Variants in SEC13 observed in about 807,000 individuals in gnomAD.
SEC13 encodes SEC13 homolog, nuclear pore and COPII component.
SEC13 carries 25 observed loss-of-function variants against 49.2 expected under a neutral mutation model. That is an observed-to-expected ratio of 0.51 (90% confidence interval 0.37 to 0.71). The LOEUF (loss-of-function observed/expected upper bound fraction) is 0.71. Among genes scored for constraint, SEC13 ranks in the 30% least tolerant of loss-of-function variants. The pLI, the probability that SEC13 is intolerant of heterozygous loss-of-function variation, is 0.00. For missense variants in SEC13, 383 were observed against 417.6 expected, an observed-to-expected ratio of 0.92 and a Z score of 0.72; for synonymous variants, 148 against 163.9, an observed-to-expected ratio of 0.90 and a Z score of 0.74.
At chr3:10,315,138 G>T in intron 3 of SEC13, 183 bp downstream of exon 3, 1 of 572,244 alleles carries the variant, frequency 1.7e-6, no homozygotes. Flanking sequence ...GCCCTTAACA[G>T]CATCATCCCT....
intron 5 of SEC13, among the ~76,000 whole-genome samples, chr3:10,310,962 A>T (rs914547470): frequency 8.6e-5 from 13 of 151,860 alleles, no homozygotes; most frequent in African/African-American, 2.7e-4. Flanking sequence ...GTCACAAAAG[A>T]CCACAGATTG....
At chr3:10,317,012 A>AG (rs1701650195) in intron 2 of SEC13, among the ~76,000 whole-genome samples, 1 of 151,996 alleles carries the variant, frequency 6.6e-6, no homozygotes, top group South Asian at 2.1e-4. Context: ...AAAAAAAAAA[A>AG]AAAAAAAAAA....
rs753212763 is a variant in SEC13 at position 10,301,117 on chromosome 3, G to A, written c.*144C>T. 1.7e-5 allele frequency: 27 copies of A among 1,613,660 alleles called. No individual in the cohort carries two copies. The Admixed American group carries it at 4.5e-4, about 27-fold the overall frequency. ...CATCTCCGATCACGTTAAGGCAGAT[G>A]ATCAATCTGTGGCTGCATCTGTAAC... On this transcript the variant is annotated 3_prime_UTR_variant, in exon 9 of 9. Coordinates refer to ENST00000350697, the MANE Select transcript of SEC13 (RefSeq NM_183352.3).
At chr3:10,317,776 G>T (rs1454270290) in intron 2 of SEC13, among the ~76,000 whole-genome samples, 2 of 152,160 alleles carry the variant, frequency 1.3e-5, no homozygotes, top group Non-Finnish European at 2.9e-5. Flanking sequence ...GCAGGTTATT[G>T]TATTGGCTGG....
chr3:10,310,156 AG>A (rs1701162809), intron 5 of SEC13, among the ~76,000 whole-genome samples: 1 of 152,172 alleles, frequency 6.6e-6, no homozygotes, highest in Non-Finnish European at 1.5e-5. Flanking sequence ...GGCCCCCAGA[AG>A]ATGCTCACCA....
chr3:10,316,904 G>A (rs1701640034), intron 2 of SEC13, among the ~76,000 whole-genome samples: 2 of 151,854 alleles, frequency 1.3e-5, no homozygotes, highest in Admixed American at 1.3e-4. Context: ...GGGAGTCTGG[G>A]GCAGGAGAAT....
intron 5 of SEC13, among the ~76,000 whole-genome samples, chr3:10,311,200 G>A (rs1403952386): frequency 6.6e-6 from 1 of 152,136 alleles, no homozygotes; most frequent in Non-Finnish European, 1.5e-5. Context: ...GTGTGGGGGT[G>A]TGTGTGAGTG....
In SEC13 at chr3:10,307,077, A is replaced by G. The variant is rs1300386842; in HGVS notation, c.451-1385T>C. On this transcript the variant is annotated intron_variant, in intron 5 of 8. Coordinates refer to ENST00000350697, the MANE Select transcript of SEC13 (RefSeq NM_183352.3). ...AATTTTTTTTTTTAAAAATTGAGAC[A>G]GGGTCTCACTGTCACCCAGGCTAGA... Among the ~76,000 whole-genome samples the G allele has an allele frequency of 2.0e-5, 3 of 152,122 alleles. No individual in the cohort carries two copies. The South Asian group carries it at 6.2e-4, about 32-fold the overall frequency.
chr3:10,304,320 A>G (rs1220066168), intron 7 of SEC13, 148 bp from the exon 8 acceptor site: 1 of 702,210 alleles, frequency 1.4e-6, no homozygotes, highest in East Asian at 2.7e-5. Flanking sequence ...TGGGGCGTCC[A>G]CAGCTTTGTT....
intron 3 of SEC13, among the ~76,000 whole-genome samples, chr3:10,314,794 G>A (rs556390595): frequency 3.3e-5 from 5 of 152,308 alleles, no homozygotes; most frequent in African/African-American, 1.2e-4. Flanking sequence ...CGGGCATATA[G>A]GCAGAACAAT....
chr3:10,313,359 A>G, intron 3 of SEC13: 1 of 505,128 alleles, frequency 2.0e-6, no homozygotes, highest in South Asian at 1.4e-5. Flanking sequence ...AGCATGGTAG[A>G]GTTAGTGGTT....
chr3:10,319,385 C>A, intron 1 of SEC13: 1 of 1,256,470 alleles, frequency 8.0e-7, no homozygotes, highest in Non-Finnish European at 1.1e-6. Flanking sequence ...ACAAAGTGCA[C>A]AGGAAGGCGG....
intron 5 of SEC13, among the ~76,000 whole-genome samples, chr3:10,309,711 C>T (rs941617316): frequency 3.9e-5 from 6 of 152,160 alleles, no homozygotes; most frequent in African/African-American, 7.2e-5. Context: ...TCTCATTGTC[C>T]GCAGGGAGGT....
intron 1 of SEC13, among the ~76,000 whole-genome samples, chr3:10,318,513 G>A (rs2059703709): frequency 6.6e-6 from 1 of 151,884 alleles, no homozygotes. Context: ...TGATGTGTGT[G>A]GGGAAACGGC....
chr3:10,301,748 A>G (rs1039503616), intron 8 of SEC13, among the ~76,000 whole-genome samples: 1 of 152,178 alleles, frequency 6.6e-6, no homozygotes, highest in Non-Finnish European at 1.5e-5. Context: ...TGGGGCCTGG[A>G]ACAACTGATT....
intron 1 of SEC13, 114 bp downstream of exon 1, chr3:10,320,936 G>C (rs1032441181): frequency 6.5e-7 from 1 of 1,541,228 alleles, no homozygotes; most frequent in Non-Finnish European, 8.7e-7. Flanking sequence ...CTAAGCGGTG[G>C]AGGGGAGCTG....
intron 6 of SEC13, 160 bp downstream of exon 6, chr3:10,305,399 G>GT: frequency 9.2e-7 from 1 of 1,089,474 alleles, no homozygotes; most frequent in Non-Finnish European, 1.3e-6. Context: ...GTGTTGTGTT[G>GT]TTTTTCAAGG....
intron 1 of SEC13, 114 bp from the exon 2 acceptor site, chr3:10,318,208 G>T (rs1701726181): frequency 5.4e-6 from 4 of 740,236 alleles, no homozygotes; most frequent in Non-Finnish European, 9.7e-6. Context: ...CATTCAGTAA[G>T]CATTCATTCT....
intron 8 of SEC13, chr3:10,303,803 C>T (rs913122574): frequency 6.3e-5 from 36 of 571,098 alleles, no homozygotes; most frequent in Middle Eastern, 4.8e-4. Flanking sequence ...CAAGTCAAAT[C>T]GCCTCTGTCA....
Sources: allele counts gnomAD v4.1 joint callset (sites outside exome capture counted in the v4.1 genomes callset), GRCh38; gene constraint gnomAD v4.1.1; transcripts MANE v1.5; gene names NCBI Gene and HGNC (gene_info 2026-07-23, HGNC 2026-07-21).